The following MACF1 variants were observed in gnomAD, a reference collection of about 807,000 sequenced individuals.
MACF1 encodes the protein microtubule actin crosslinking factor 1.
MACF1 carries 193 observed loss-of-function variants against 854.8 expected under a neutral mutation model. The ratio of observed to expected loss-of-function variants is 0.23; its 90% CI spans 0.20 to 0.25. MACF1 has a LOEUF of 0.25. MACF1 is among the 10% of genes least tolerant of loss of function. MACF1 has a pLI of 1.00. For missense variants in MACF1, 7,722 were observed against 8,929.1 expected (o/e 0.86, Z 5.45); for synonymous variants, 3,185 against 3,226.7 (o/e 0.99, Z 0.44).
intron 25 of MACF1, 92 bp downstream of exon 25, chr1:39,310,520 A>G (rs1646278788): frequency 4.5e-6 from 6 of 1,345,270 alleles, no homozygotes; most frequent in Middle Eastern, 2.7e-4. Context: ...AGAGAGTAAC[A>G]TCACCACTTT....
intron 1 of MACF1, among the ~76,000 whole-genome samples, chr1:39,225,662 G>T (rs1402379879): frequency 6.6e-6 from 1 of 152,080 alleles, no homozygotes; most frequent in Non-Finnish European, 1.5e-5. Context: ...GCTCTCTCTT[G>T]TTTGTTTATA....
intron 1 of MACF1, among the ~76,000 whole-genome samples, chr1:39,205,550 G>T (rs1025150541): frequency 1.3e-5 from 2 of 152,148 alleles, no homozygotes; most frequent in African/African-American, 2.4e-5. Context: ...GATTTGGGTT[G>T]GAGAAGTTTC....
intron 2 of MACF1, among the ~76,000 whole-genome samples, chr1:39,156,933 C>T (rs1186048314): frequency 6.6e-6 from 1 of 151,282 alleles, no homozygotes; most frequent in Admixed American, 6.6e-5. Context: ...GGCACAAAAG[C>T]TTGGGTTGGT....
At chr1:39,438,090 A>G in intron 71 of MACF1, 82 bp downstream of exon 71, 1 of 1,300,440 alleles carries the variant, frequency 7.7e-7, no homozygotes, top group Non-Finnish European at 1.1e-6. Flanking sequence ...CACCAGATTT[A>G]TTTATTTCTT....
At chr1:39,394,231 C>T (rs986746781) in intron 58 of MACF1, among the ~76,000 whole-genome samples, 8 of 148,214 alleles carry the variant, frequency 5.4e-5, no homozygotes, top group Non-Finnish European at 8.9e-5. Flanking sequence ...GTCTTGTAAA[C>T]GCCTTCATTT....
intron 30 of MACF1, 58 bp downstream of exon 30, chr1:39,318,673 A>G (rs897576106): frequency 6.8e-7 from 1 of 1,475,154 alleles, no homozygotes; most frequent in Non-Finnish European, 9.0e-7. Context: ...TCTTTATCAT[A>G]AAAGAAAATG....
intron 67 of MACF1, 146 bp downstream of exon 67, chr1:39,432,800 A>AG: frequency 9.9e-7 from 1 of 1,008,382 alleles, no homozygotes; most frequent in Non-Finnish European, 1.4e-6. Flanking sequence ...GGTTGAGATG[A>AG]GGAAGAATTT....
chr1:39,348,998 C>A (rs1647119784), intron 41 of MACF1, among the ~76,000 whole-genome samples: 1 of 152,118 alleles, frequency 6.6e-6, no homozygotes, highest in Admixed American at 6.5e-5. Flanking sequence ...AAAGTCAGCT[C>A]AATTATTAAG....
At chr1:39,175,404 C>T (rs1644009803) in intron 2 of MACF1, among the ~76,000 whole-genome samples, 2 of 152,160 alleles carry the variant, frequency 1.3e-5, no homozygotes, top group Admixed American at 1.3e-4. Context: ...TCAGAATGCT[C>T]ACAATGTGAA....
At chr1:39,270,402 A>G (rs145179344) in intron 6 of MACF1, among the ~76,000 whole-genome samples, 75 of 152,254 alleles carry the variant, frequency 4.9e-4, no homozygotes, top group African/African-American at 1.8e-3. Context: ...TTGTGACTGG[A>G]TGTATTTAGG....
At chr1:39,103,233 G>T in intron 2 of MACF1, 1 of 342,250 alleles carries the variant, frequency 2.9e-6, no homozygotes, top group South Asian at 2.4e-5. Context: ...TTTTGCCCCT[G>T]TTCTTTCTTC....
At position 39,331,549 on chromosome 1, in the gene MACF1, C is replaced by G. The variant is rs1411908577; in HGVS notation, c.4961C>G (p.Ala1654Gly). The change falls in exon 37 of 101, where the codon GCT (alanine) becomes GGT (glycine). Residue 1654 changes from alanine (A) to glycine (G), a missense_variant. This residue lies in a region of MACF1 where 1,531 missense variants were observed against 1,601.6 expected (regional missense o/e 0.96). Transcript: ENST00000564288. ...ACAGTTGGACTGAAAATCTTAGAAG[C>G]TCACCTGGCAACTGGAGGTTTCAGT... ...SETVGLKILE[A>G]HLATGGFSLS... The G allele has an allele frequency of 6.2e-7, 1 of 1,614,156 alleles. No homozygotes were observed. The highest frequency in any genetic ancestry group is 1.7e-5 in the Admixed American group (1 of 60,024).
chr1:39,349,789 G>T (rs534555742), intron 42 of MACF1, among the ~76,000 whole-genome samples, 162 bp downstream of exon 42: 5 of 152,256 alleles, frequency 3.3e-5, no homozygotes, highest in Admixed American at 3.3e-4. Flanking sequence ...GAGCCACCAT[G>T]TCCTAATTTT....
intron 56 of MACF1, among the ~76,000 whole-genome samples, chr1:39,382,694 A>AT (rs1479913784): frequency 6.6e-6 from 1 of 150,940 alleles, no homozygotes; most frequent in Non-Finnish European, 1.5e-5. Flanking sequence ...AAAAAAAAAA[A>AT]ATTTTTTTTT....
At chr1:39,225,365 C>A (rs568191097) in intron 1 of MACF1, among the ~76,000 whole-genome samples, 5 of 150,580 alleles carry the variant, frequency 3.3e-5, no homozygotes, top group Non-Finnish European at 7.4e-5. Flanking sequence ...TACAGGCGCC[C>A]GCCACCGCGC....
rs1489045598 is a variant in MACF1, at chr1:39,378,458, C to T, written c.13214-3C>T. ...CTGTTTGTCTCCCTGTCCTTCTGCT[C>T]AGGTTCCATACTGCCCTCTGTAGGA... On this transcript the variant is annotated splice_polypyrimidine_tract_variant and splice_region_variant and intron_variant, in intron 52 of 100. Transcript: ENST00000564288. 3.1e-6 allele frequency: 5 copies of T among 1,613,432 alleles called. No individual in the cohort carries two copies. The Admixed American group carries it at 8.3e-5, about 27-fold the overall frequency.
At chr1:39,435,928 A>G in intron 70 of MACF1, 167 bp downstream of exon 70, 1 of 611,510 alleles carries the variant, frequency 1.6e-6, no homozygotes, top group Non-Finnish European at 2.9e-6. Context: ...ATTCCAAGGA[A>G]CATTGGCATA....
chr1:39,360,957 T>C lies in MACF1; in HGVS notation c.12409T>C (p.Ser4137Pro). Residue 4137 changes from serine (S) to proline (P), a missense_variant, in exon 48 of 101, where the codon TCA becomes CCA. Physicochemically the swap from Ser to Pro is moderately conservative, Grantham distance 74. This residue lies in a region of MACF1 where 2,807 missense variants were observed against 3,235.8 expected (regional missense o/e 0.87). Coordinates refer to ENST00000564288, the MANE Select transcript of MACF1 (RefSeq NM_001394062.1). Reference sequence around the variant, plus strand: ...AAACCTGGAAGGGAAGCAGGTGTCATCACTCTCATCAGGAGTCATCCAGGA... The same window carrying C: ...AAACCTGGAAGGGAAGCAGGTGTCACCACTCTCATCAGGAGTCATCCAGGA... ...EQNLEGKQVS[S>P]LSSGVIQEAL... 1 of 1,614,072 alleles carries C rather than the reference T, an allele frequency of 6.2e-7. No homozygotes were observed. Among genetic ancestry groups the C allele is most frequent in the Non-Finnish European group, 8.5e-7 (1 of 1,180,002 alleles).
intron 62 of MACF1, 23 bp from the exon 63 acceptor site, chr1:39,427,938 A>T (rs1643777433): frequency 6.5e-6 from 10 of 1,549,844 alleles, no homozygotes; most frequent in Non-Finnish European, 8.8e-6. Flanking sequence ...TCTGTTATTC[A>T]TTTTTTCCAT....
Sources: allele counts gnomAD v4.1 joint callset (sites outside exome capture counted in the v4.1 genomes callset), GRCh38; gene constraint gnomAD v4.1.1; regional missense constraint gnomAD v4.1.1; transcripts MANE v1.5; gene names NCBI Gene and HGNC (gene_info 2026-07-23, HGNC 2026-07-21).